The following USP48 variants were observed in gnomAD, a reference collection of about 807,000 sequenced individuals.
The protein encoded by USP48 is ubiquitin specific peptidase 48.
USP48 carries 43 observed loss-of-function variants against 150.7 expected under a neutral mutation model. That is an observed-to-expected ratio of 0.29 (90% confidence interval 0.22 to 0.37). The LOEUF (loss-of-function observed/expected upper bound fraction) is 0.37. Ranked by LOEUF, USP48 falls within the 10% of genes least tolerant of loss-of-function variation. The pLI is 1.00. For synonymous variants in USP48, 396 were observed against 425.9 expected (o/e 0.93, Z 0.86); for missense variants, 813 against 1,249.6 (o/e 0.65, Z 5.27).
intron 19 of USP48, 47 bp from the exon 20 acceptor site, chr1:21,704,439 A>G (rs1302313415): frequency 6.4e-7 from 1 of 1,556,836 alleles, no homozygotes; most frequent in East Asian, 2.3e-5. Flanking sequence ...ATGGAAATTA[A>G]GAGAATTAAC....
At chr1:21,762,084 T>C (rs1372692615) in intron 1 of USP48, among the ~76,000 whole-genome samples, 2 of 152,056 alleles carry the variant, frequency 1.3e-5, no homozygotes, top group Non-Finnish European at 2.9e-5. Flanking sequence ...CTGGCCAACA[T>C]GGCAAAACCC....
At chr1:21,779,847 C>A (rs1363841849) in intron 1 of USP48, among the ~76,000 whole-genome samples, 1 of 152,020 alleles carries the variant, frequency 6.6e-6, no homozygotes, top group Non-Finnish European at 1.5e-5. Context: ...TAGGAAAATG[C>A]AAATCAAAAC....
intron 1 of USP48, among the ~76,000 whole-genome samples, chr1:21,763,611 C>T (rs2097855090): frequency 6.6e-6 from 1 of 152,146 alleles, no homozygotes; most frequent in African/African-American, 2.4e-5. Context: ...GTCGGGAGTT[C>T]GAGACCAGCC....
intron 1 of USP48, among the ~76,000 whole-genome samples, chr1:21,761,849 A>T (rs1346192077): frequency 6.6e-6 from 1 of 152,246 alleles, no homozygotes; most frequent in Non-Finnish European, 1.5e-5. Context: ...CAAAGCTAGG[A>T]GGGAAAAAAG....
rs748537709 is a variant in USP48 at position 21,756,722 on chromosome 1, A to G, written c.256-20T>C. ...TGAGTTCTACAAAAATACAAAATTC[A>G]TAATTATAAAACCCATTTTCCTTTA... On this transcript the variant is annotated intron_variant, in intron 2 of 26. Coordinates refer to ENST00000308271, the MANE Select transcript of USP48 (RefSeq NM_032236.8). 29 of 1,611,434 alleles carry G rather than the reference A, an allele frequency of 1.8e-5. No individual in the cohort carries two copies. The East Asian group carries it at 3.6e-4, about 20-fold the overall frequency.
chr1:21,697,410 T>C (rs2097638261), intron 22 of USP48, among the ~76,000 whole-genome samples: 1 of 151,926 alleles, frequency 6.6e-6, no homozygotes, highest in African/African-American at 2.4e-5. Context: ...ATGCCTGTAA[T>C]CCCAGCACTT....
At chr1:21,705,233 T>C (rs2097668854) in intron 19 of USP48, among the ~76,000 whole-genome samples, 1 of 152,136 alleles carries the variant, frequency 6.6e-6, no homozygotes, top group East Asian at 1.9e-4. Context: ...TTTGGTAAAA[T>C]CGGGAGAAAT....
chr1:21,701,454 G>A, intron 22 of USP48, 44 bp downstream of exon 22: 1 of 1,547,452 alleles, frequency 6.5e-7, no homozygotes, highest in Non-Finnish European at 8.9e-7. Context: ...TGCTCTATAA[G>A]AACAGCAGAA....
At chr1:21,690,242 T>C in intron 23 of USP48, 143 bp from the exon 24 acceptor site, 5 of 966,774 alleles carry the variant, frequency 5.2e-6, no homozygotes, top group East Asian at 2.7e-5. Context: ...GTCAGCCTAC[T>C]TGTTATACTC....
chr1:21,764,916 C>T (rs1057257618), intron 1 of USP48, among the ~76,000 whole-genome samples: 4 of 152,070 alleles, frequency 2.6e-5, no homozygotes, highest in African/African-American at 9.7e-5. Context: ...CATTAGCATA[C>T]AAAAAGACAC....
chr1:21,721,629 A>T (rs755431268), intron 13 of USP48, 21 bp downstream of exon 13: 3 of 1,452,738 alleles, frequency 2.1e-6, no homozygotes, highest in Non-Finnish European at 2.8e-6. Context: ...TATCATTAAC[A>T]ATGTACACTG....
intron 14 of USP48, among the ~76,000 whole-genome samples, chr1:21,718,564 CTT>C (rs5772963): frequency 2.0e-5 from 3 of 146,920 alleles, no homozygotes; most frequent in East Asian, 2.0e-4. Flanking sequence ...AGGCCTTTTT[CTT>C]TTTTTTTTTT....
At chr1:21,724,193 A>G in intron 11 of USP48, 98 bp from the exon 12 acceptor site, 2 of 1,181,930 alleles carry the variant, frequency 1.7e-6, no homozygotes, top group Admixed American at 4.0e-5. Context: ...AACTCTGTCC[A>G]GAGTTAGCAG....
intron 22 of USP48, among the ~76,000 whole-genome samples, chr1:21,695,857 A>G (rs1489506627): frequency 6.6e-6 from 1 of 152,210 alleles, no homozygotes; most frequent in African/African-American, 2.4e-5. Flanking sequence ...TTGTGAATTT[A>G]AAAATAAAAT....
chr1:21,727,896 T>G, intron 11 of USP48: 1 of 981,834 alleles, frequency 1.0e-6, no homozygotes, highest in Non-Finnish European at 1.2e-6. Flanking sequence ...AAATTGTCTC[T>G]CTTCCTTAAG....
Position 21,748,256 on chromosome 1 carries a change from C to G in USP48, c.790G>C (p.Gly264Arg), listed in dbSNP as rs2097800260. The G allele has an allele frequency of 1.9e-6, 3 of 1,611,934 alleles. No homozygotes were observed. The highest frequency in any genetic ancestry group is 2.5e-6 in the Non-Finnish European group (3 of 1,179,278). ...TTCTCGCAAAAATAGCGATTGTCTC[C>G]TTCTAATTTTTCTTCCTGATCAAGA... ...SEFLKEEKLE[G>R]DNRYFCENCQ... Residue 264 changes from glycine (G) to arginine (R), a missense_variant, in exon 7 of 27, where the codon GGA (glycine) becomes CGA (arginine). Transcript: ENST00000308271.
chr1:21,727,854 T>C, intron 11 of USP48: 2 of 971,486 alleles, frequency 2.1e-6, no homozygotes, highest in Non-Finnish European at 1.2e-6. Flanking sequence ...AGTACAATTA[T>C]GCTTAAGTAT....
chr1:21,691,990 C>A (rs1048897266), intron 23 of USP48, among the ~76,000 whole-genome samples: 4 of 152,144 alleles, frequency 2.6e-5, no homozygotes, highest in Non-Finnish European at 4.4e-5. Flanking sequence ...ACAAAACGAG[C>A]CTCACAAATC....
chr1:21,740,578 GTT>G (rs1214312254), intron 8 of USP48, among the ~76,000 whole-genome samples: 1 of 152,186 alleles, frequency 6.6e-6, no homozygotes, highest in Non-Finnish European at 1.5e-5. Flanking sequence ...CAAGCCAAGA[GTT>G]TTGTTTGATG....
Sources: gnomAD v4.1 joint callset for allele counts (sites outside exome capture counted in the v4.1 genomes callset) on GRCh38, gnomAD v4.1.1 for gene constraint, MANE v1.5 for transcripts, NCBI Gene and HGNC (gene_info 2026-07-23, HGNC 2026-07-21) for gene names.